The following SEMA6D variants were observed in gnomAD, a reference collection of about 807,000 sequenced individuals.
The protein encoded by SEMA6D is semaphorin 6D.
Under a neutral mutation model 106.6 loss-of-function variants are expected in SEMA6D, and 35 were observed. That is an observed-to-expected ratio of 0.33 (90% CI 0.25 to 0.44). The LOEUF is 0.44. SEMA6D is among the 20% of genes least tolerant of loss of function. The pLI is 1.00. For missense variants in SEMA6D, 1,185 were observed against 1,345.9 expected (o/e 0.88, Z 1.87); for synonymous variants, 499 against 487.7 (o/e 1.02, Z -0.31).
intron 1 of SEMA6D, among the ~76,000 whole-genome samples, chr15:47,722,122 T>C (rs2079458225): frequency 6.6e-6 from 1 of 152,148 alleles, no homozygotes; most frequent in African/African-American, 2.4e-5. Flanking sequence ...CCTTGCCACC[T>C]TGCAATGGTG....
At chr15:47,498,376 T>C (rs920796283) in intron 3 of SEMA6D, among the ~76,000 whole-genome samples, 13 of 152,228 alleles carry the variant, frequency 8.5e-5, no homozygotes, top group Middle Eastern at 6.8e-3. Context: ...TGGTACCTCT[T>C]ATCCCCTTTC....
At chr15:47,690,930 C>T (rs1272384475) in intron 4 of SEMA6D, among the ~76,000 whole-genome samples, 2 of 152,120 alleles carry the variant, frequency 1.3e-5, no homozygotes, top group Admixed American at 6.5e-5. Flanking sequence ...TTCATGTCGC[C>T]TTAGTCTCCT....
At chr15:47,495,489 T>A (rs959388812) in intron 3 of SEMA6D, among the ~76,000 whole-genome samples, 1 of 152,020 alleles carries the variant, frequency 6.6e-6, no homozygotes, top group Non-Finnish European at 1.5e-5. Context: ...ATAGTTCCAT[T>A]ACTATTTATG....
intron 1 of SEMA6D, among the ~76,000 whole-genome samples, chr15:47,196,847 T>C (rs1894395934): frequency 6.6e-6 from 1 of 152,194 alleles, no homozygotes; most frequent in South Asian, 2.1e-4. Context: ...ATACACATAA[T>C]ATCAATTATA....
chr15:47,641,697 A>G (rs1463622614), intron 4 of SEMA6D, among the ~76,000 whole-genome samples: 1 of 152,084 alleles, frequency 6.6e-6, no homozygotes, highest in Non-Finnish European at 1.5e-5. Context: ...CTCTACAGCC[A>G]TATTTGCCTT....
chr15:47,579,769 A>G lies in SEMA6D; in HGVS notation c.-86-21096A>G, dbSNP rs145084382. On this transcript the variant is annotated intron_variant, in intron 3 of 19. Transcript: ENST00000558014. Reference sequence around the variant, plus strand: ...AGAAAACATAAATAATCGTAAATATATGGTACTCACCATGTAATTACTTTG... The same window carrying G: ...AGAAAACATAAATAATCGTAAATATGTGGTACTCACCATGTAATTACTTTG... 8.7e-3 allele frequency among the ~76,000 whole-genome samples: 1,319 copies of G among 152,212 alleles called. 8 individuals are homozygous for G. The highest frequency in any genetic ancestry group is 0.021 in the Admixed American group (315 of 15,296).
At chr15:47,288,707 C>A (rs1375193095) in intron 1 of SEMA6D, among the ~76,000 whole-genome samples, 1 of 152,096 alleles carries the variant, frequency 6.6e-6, no homozygotes, top group African/African-American at 2.4e-5. Flanking sequence ...TGATTTTGTG[C>A]ACTTTTGCAA....
chr15:47,255,692 A>G (rs1194957825), intron 1 of SEMA6D, among the ~76,000 whole-genome samples: 1 of 152,154 alleles, frequency 6.6e-6, no homozygotes, highest in African/African-American at 2.4e-5. Context: ...AAATTTATCA[A>G]AATAGTTTTT....
At chr15:47,319,906 T>TC (rs574021539) in intron 1 of SEMA6D, among the ~76,000 whole-genome samples, 182 of 152,228 alleles carry the variant, frequency 1.2e-3, no homozygotes, top group African/African-American at 4.3e-3. Context: ...TTTTGGCAAT[T>TC]CATCAATTAC....
chr15:47,391,993 C>T (rs1460325299), intron 1 of SEMA6D, among the ~76,000 whole-genome samples: 1 of 152,082 alleles, frequency 6.6e-6, no homozygotes, highest in Admixed American at 6.6e-5. Flanking sequence ...ATTCCCAACA[C>T]CCACCCCCTT....
intron 1 of SEMA6D, among the ~76,000 whole-genome samples, chr15:47,752,215 T>C (rs1479752295): frequency 6.6e-6 from 1 of 152,136 alleles, no homozygotes; most frequent in African/African-American, 2.4e-5. Flanking sequence ...AGAAAACTAA[T>C]GGGAAACAAA....
At position 47,772,595 on chromosome 15, in the gene SEMA6D, A is replaced by T. The variant is rs1050459160; in HGVS notation, c.*810A>T. The T allele has an allele frequency of 4.6e-5, 7 of 152,570 alleles. No individual in the cohort carries two copies. The highest frequency in any genetic ancestry group is 1.0e-4 in the Non-Finnish European group (7 of 68,022). The allele number at this position is 152,570 out of a possible 1,614,324, so 9.5% of individuals were successfully genotyped here. The stretch of plus-strand genomic sequence containing the variant: ...TATGTGGTACCCAATGCCAGAATGT[A>T]AGAGTTGCAAGTGATTTTGTGCTGC... On this transcript the variant is annotated 3_prime_UTR_variant, in exon 19 of 19. Coordinates refer to ENST00000536845, the MANE Select transcript of SEMA6D (RefSeq NM_001358351.3).
At chr15:47,441,615 T>C (rs2041886221) in intron 2 of SEMA6D, among the ~76,000 whole-genome samples, 1 of 152,176 alleles carries the variant, frequency 6.6e-6, no homozygotes, top group Non-Finnish European at 1.5e-5. Context: ...CAACAGCAGA[T>C]CCCAGTTTTC....
chr15:47,582,917 A>G (rs758236905), intron 3 of SEMA6D, among the ~76,000 whole-genome samples: 3 of 152,226 alleles, frequency 2.0e-5, no homozygotes, highest in Non-Finnish European at 4.4e-5. Flanking sequence ...TTACAAAGCT[A>G]TATCATTTGC....
intron 1 of SEMA6D, among the ~76,000 whole-genome samples, chr15:47,301,546 A>T (rs1427230903): frequency 1.3e-5 from 2 of 152,220 alleles, no homozygotes; most frequent in African/African-American, 2.4e-5. Flanking sequence ...CCCTAGGCAG[A>T]TGTCCAGCTG....
At chr15:47,444,425 A>T (rs1372209648) in intron 2 of SEMA6D, among the ~76,000 whole-genome samples, 1 of 152,072 alleles carries the variant, frequency 6.6e-6, no homozygotes, top group Non-Finnish European at 1.5e-5. Flanking sequence ...GGTTTTCTTT[A>T]ACTAAGTTAA....
chr15:47,290,648 A>T (rs1335861185), intron 1 of SEMA6D, among the ~76,000 whole-genome samples: 2 of 150,814 alleles, frequency 1.3e-5, no homozygotes, highest in East Asian at 1.9e-4. Context: ...ACACACATAT[A>T]TTCAAATTTA....
chr15:47,502,266 C>T (rs1161688125), intron 3 of SEMA6D, among the ~76,000 whole-genome samples: 1 of 152,154 alleles, frequency 6.6e-6, no homozygotes, highest in African/African-American at 2.4e-5. Flanking sequence ...GGTGATGGGA[C>T]CCATCTCTCT....
intron 1 of SEMA6D, among the ~76,000 whole-genome samples, chr15:47,365,658 C>T (rs562091909): frequency 6.6e-5 from 10 of 151,628 alleles, no homozygotes; most frequent in African/African-American, 2.4e-4. Context: ...GTCAGGAGTT[C>T]AAGACCAGCC....
Sources: allele counts gnomAD v4.1 joint callset (sites outside exome capture counted in the v4.1 genomes callset), GRCh38; gene constraint gnomAD v4.1.1; transcripts MANE v1.5; gene names NCBI Gene and HGNC (gene_info 2026-07-23, HGNC 2026-07-21).